Variants in ZNF407 observed in about 807,000 individuals in gnomAD.
ZNF407 encodes the protein zinc finger protein 407.
Under a neutral mutation model 131.2 loss-of-function variants are expected in ZNF407, and 17 were observed. The observed-to-expected ratio is 0.13, with a 90% confidence interval of 0.09 to 0.19. The LOEUF (loss-of-function observed/expected upper bound fraction) is 0.19. Among genes scored for constraint, ZNF407 ranks in the 10% least tolerant of loss-of-function variants. ZNF407 has a pLI of 1.00. For missense variants in ZNF407, 2,681 were observed against 2,830.6 expected (o/e 0.95, Z 1.20); for synonymous variants, 1,156 against 1,062.0 (o/e 1.09, Z -1.72).
intron 3 of ZNF407, among the ~76,000 whole-genome samples, chr18:74,745,642 A>G (rs1307602472): frequency 6.6e-6 from 1 of 152,198 alleles, no homozygotes; most frequent in Non-Finnish European, 1.5e-5. Flanking sequence ...TTGCTTTAAC[A>G]TACTTTCTCC....
intron 8 of ZNF407, among the ~76,000 whole-genome samples, chr18:74,964,182 G>A (rs1436898585): frequency 6.6e-6 from 1 of 152,180 alleles, no homozygotes; most frequent in Non-Finnish European, 1.5e-5. Flanking sequence ...CGTGTACATG[G>A]ATCCCTGGAC....
chr18:74,815,466 T>G (rs1970255500), intron 4 of ZNF407, among the ~76,000 whole-genome samples: 2 of 152,214 alleles, frequency 1.3e-5, no homozygotes, highest in African/African-American at 4.8e-5. Context: ...TTTATCATAT[T>G]TCTTCCCCTA....
At chr18:74,696,688 A>G (rs1343738799) in intron 3 of ZNF407, among the ~76,000 whole-genome samples, 6 of 152,280 alleles carry the variant, frequency 3.9e-5, no homozygotes, top group East Asian at 3.9e-4. Flanking sequence ...GAATGTATGT[A>G]TGTATGTATT....
At chr18:74,833,049 TC>T (rs924525952) in intron 4 of ZNF407, among the ~76,000 whole-genome samples, 1 of 152,178 alleles carries the variant, frequency 6.6e-6, no homozygotes, top group Non-Finnish European at 1.5e-5. Flanking sequence ...TATTTGCTGT[TC>T]CCTCAGGATA....
Position 75,006,567 on chromosome 18 carries a change from AT to A in ZNF407, c.5429-56579del, listed in dbSNP as rs911910924. ...CCTGATGTTGGTGGGTTTTAAAAAA[AT>A]TTTCCTCCTTATTATTAATCTATAA... On this transcript the variant is annotated intron_variant, in intron 8 of 8. Coordinates refer to ENST00000299687, the MANE Select transcript of ZNF407 (RefSeq NM_017757.3). Among the ~76,000 whole-genome samples, 41 of 152,222 alleles carry A rather than the reference AT, an allele frequency of 2.7e-4. 1 individual carries two copies. The highest frequency in any genetic ancestry group is 8.2e-4 in the African/African-American group (34 of 41,550).
At chr18:74,804,700 A>C (rs1416192378) in intron 4 of ZNF407, 1 of 727,094 alleles carries the variant, frequency 1.4e-6, no homozygotes, top group Non-Finnish European at 1.7e-6. Context: ...CTTTTGTACC[A>C]CAACCTACCA....
chr18:74,878,410 G>C (rs1451825291), intron 5 of ZNF407, among the ~76,000 whole-genome samples: 1 of 152,116 alleles, frequency 6.6e-6, no homozygotes, highest in African/African-American at 2.4e-5. Flanking sequence ...GGAAGCCCAG[G>C]CCTCCTTAGC....
In ZNF407 at chr18:75,010,981, A is replaced by G. The variant is rs1972967726; in HGVS notation, c.5429-52169A>G. ...GGCATCTCCAAATGGCCCACAAGAA[A>G]ACTGTGCTTTATCCCCTGTGCTTTG... On this transcript the variant is annotated intron_variant, in intron 8 of 8. Transcript: ENST00000299687. 1.3e-5 allele frequency among the ~76,000 whole-genome samples: 2 copies of G among 152,276 alleles called. 1 individual carries two copies. The highest frequency in any genetic ancestry group is 4.1e-4 in the South Asian group (2 of 4,828).
At chr18:74,658,786 G>T (rs1985588954) in intron 3 of ZNF407, among the ~76,000 whole-genome samples, 1 of 151,994 alleles carries the variant, frequency 6.6e-6, no homozygotes, top group Admixed American at 6.6e-5. Flanking sequence ...TTTTTTGCTT[G>T]GAGTGTTCTC....
intron 8 of ZNF407, among the ~76,000 whole-genome samples, chr18:75,049,251 T>C (rs1330899832): frequency 6.6e-6 from 1 of 152,128 alleles, no homozygotes. Context: ...TATCAGGTAG[T>C]ATGTTGGGTG....
At chr18:74,872,305 T>C (rs569017552) in intron 4 of ZNF407, among the ~76,000 whole-genome samples, 2 of 152,238 alleles carry the variant, frequency 1.3e-5, no homozygotes, top group African/African-American at 4.8e-5. Flanking sequence ...ACACCCAACT[T>C]GTTTTTTAAT....
chr18:74,623,370 CTT>C (rs992858519), intron 1 of ZNF407, among the ~76,000 whole-genome samples: 18 of 151,964 alleles, frequency 1.2e-4, no homozygotes, highest in African/African-American at 4.1e-4. Flanking sequence ...GCGTCTGTGA[CTT>C]TGGGTGTGTG....
At chr18:74,598,572 CCTT>C (rs1375432611) in intron 1 of ZNF407, 1 of 152,402 alleles carries the variant, frequency 6.6e-6, no homozygotes, top group Non-Finnish European at 1.5e-5. Context: ...GCTACTCGCG[CCTT>C]CTTCCGTTAA....
At chr18:74,877,490 G>A in intron 5 of ZNF407, 127 bp downstream of exon 5, 1 of 931,438 alleles carries the variant, frequency 1.1e-6, no homozygotes, top group Non-Finnish European at 1.6e-6. Flanking sequence ...CTTTAAGATT[G>A]TGGTAATTAT....
intron 3 of ZNF407, among the ~76,000 whole-genome samples, chr18:74,756,560 A>C (rs187019917): frequency 3.2e-4 from 48 of 152,240 alleles, no homozygotes; most frequent in Non-Finnish European, 6.2e-4. Flanking sequence ...AGTATTTTAA[A>C]TGTTTTTATA....
chr18:74,647,459 C>T (rs919121080), intron 3 of ZNF407, among the ~76,000 whole-genome samples: 4 of 152,048 alleles, frequency 2.6e-5, no homozygotes, highest in African/African-American at 9.7e-5. Flanking sequence ...AAAAAATCTT[C>T]TTGTAGAGTC....
chr18:75,004,595 C>T (rs1568298098), intron 8 of ZNF407, among the ~76,000 whole-genome samples: 2 of 152,152 alleles, frequency 1.3e-5, no homozygotes, highest in South Asian at 4.1e-4. Flanking sequence ...TGGTCCTGTC[C>T]GATTCATTCA....
intron 4 of ZNF407, among the ~76,000 whole-genome samples, chr18:74,843,235 T>A (rs1970658304): frequency 6.6e-6 from 1 of 152,128 alleles, no homozygotes; most frequent in African/African-American, 2.4e-5. Context: ...CTGCTTCATC[T>A]TCTTTGGAAA....
Position 74,632,735 on chromosome 18 carries a change from A to G in ZNF407, c.1716A>G (p.Leu572=). 2 of 1,614,090 alleles carry G rather than the reference A, an allele frequency of 1.2e-6. No homozygotes were observed. The highest frequency in any genetic ancestry group is 1.7e-6 in the Non-Finnish European group (2 of 1,179,902). The change falls in exon 2 of 9, where the codon TTA becomes TTG. Residue 572 remains leucine, a synonymous_variant. Coordinates refer to ENST00000299687, the MANE Select transcript of ZNF407 (RefSeq NM_017757.3). ...CDFSSMSRRD[L]DEHLHSNQHQ... ...TCTCTAGTATGTCAAGAAGGGACTT[A>G]GATGAACATTTGCACAGTAACCAGC...
Sources: gnomAD v4.1 joint callset for allele counts (sites outside exome capture counted in the v4.1 genomes callset) on GRCh38, gnomAD v4.1.1 for gene constraint, MANE v1.5 for transcripts, NCBI Gene and HGNC (gene_info 2026-07-23, HGNC 2026-07-21) for gene names.